The following PDE10A variants were observed in gnomAD, a reference collection of about 807,000 sequenced individuals.
The protein encoded by PDE10A is cAMP and cAMP-inhibited cGMP 3',5'-cyclic phosphodiesterase 10A.
In PDE10A, 39 loss-of-function variants were observed where a neutral mutation model predicts 97.7. The ratio of observed to expected loss-of-function variants is 0.40; its 90% CI spans 0.31 to 0.52. The LOEUF (loss-of-function observed/expected upper bound fraction) is 0.52. PDE10A is among the 20% of genes least tolerant of loss of function. The pLI, the probability that PDE10A is intolerant of heterozygous loss-of-function variation, is 0.56. For missense variants in PDE10A, 731 were observed against 1,047.8 expected (o/e 0.70, Z 4.17); for synonymous variants, 371 against 376.8 (o/e 0.98, Z 0.18).
At chr6:165,976,960 G>A (rs1035299174) in intron 1 of PDE10A, among the ~76,000 whole-genome samples, 1 of 152,192 alleles carries the variant, frequency 6.6e-6, no homozygotes, top group East Asian at 1.9e-4. Context: ...AGCACACATC[G>A]AAGCATTGTC....
At chr6:165,483,063 G>A (rs1779699245) in intron 2 of PDE10A, among the ~76,000 whole-genome samples, 1 of 152,222 alleles carries the variant, frequency 6.6e-6, no homozygotes, top group Non-Finnish European at 1.5e-5. Context: ...CCAGTTCTGA[G>A]TGTTGCACAC....
intron 13 of PDE10A, among the ~76,000 whole-genome samples, chr6:165,410,912 C>T (rs1356151587): frequency 9.9e-6 from 1 of 100,892 alleles, no homozygotes; most frequent in Admixed American, 1.0e-4. Flanking sequence ...CACGGTGAAA[C>T]CCCGTCTCTA....
At chr6:165,859,206 G>C (rs1334071608) in intron 1 of PDE10A, among the ~76,000 whole-genome samples, 1 of 152,214 alleles carries the variant, frequency 6.6e-6, no homozygotes, top group African/African-American at 2.4e-5. Context: ...ACTCACGCCA[G>C]GATGAAGGTC....
At chr6:165,906,654 G>C (rs754521178) in intron 1 of PDE10A, among the ~76,000 whole-genome samples, 1 of 152,198 alleles carries the variant, frequency 6.6e-6, no homozygotes, top group South Asian at 2.1e-4. Flanking sequence ...TCCTCTGGCA[G>C]GTGCCAGAGA....
intron 1 of PDE10A, among the ~76,000 whole-genome samples, chr6:165,653,730 T>A (rs1295421741): frequency 6.6e-6 from 1 of 152,154 alleles, no homozygotes; most frequent in East Asian, 1.9e-4. Flanking sequence ...TAGAAACCAA[T>A]GAGCAGGAAA....
intron 21 of PDE10A, among the ~76,000 whole-genome samples, chr6:165,333,731 A>C (rs1781477794): frequency 6.6e-6 from 1 of 152,138 alleles, no homozygotes; most frequent in African/African-American, 2.4e-5. Context: ...CGAGTCCTCT[A>C]ATCTTTCTCT....
Position 165,435,698 on chromosome 6 carries a change from A to G in PDE10A, c.1195-321T>C, listed in dbSNP as rs373800013. Among the ~76,000 whole-genome samples the G allele has an allele frequency of 4.6e-5, 7 of 152,300 alleles. No homozygotes were observed. In the East Asian group the frequency reaches 5.8e-4, roughly 13 times the overall value. ...AATGCATCCTGTCATTGGGATCAAG[A>G]TTCTATCAGACCACAAACACACACA... On this transcript the variant is annotated intron_variant, in intron 5 of 21. Coordinates refer to ENST00000539869, the MANE Select transcript of PDE10A (RefSeq NM_001385079.1).
At chr6:165,740,720 T>C (rs950359814) in intron 1 of PDE10A, among the ~76,000 whole-genome samples, 1 of 152,050 alleles carries the variant, frequency 6.6e-6, no homozygotes, top group African/African-American at 2.4e-5. Context: ...ATTATGAACA[T>C]GAAATAAGCT....
chr6:165,784,542 G>A (rs1363334411), intron 1 of PDE10A, among the ~76,000 whole-genome samples: 3 of 152,206 alleles, frequency 2.0e-5, no homozygotes, highest in Non-Finnish European at 4.4e-5. Context: ...GTAAAGAATA[G>A]CAAGTAATGC....
chr6:165,941,539 G>T (rs1030424459), intron 1 of PDE10A, among the ~76,000 whole-genome samples: 1 of 152,104 alleles, frequency 6.6e-6, no homozygotes, highest in South Asian at 2.1e-4. Context: ...GGGATGTCGG[G>T]ATCATGGAGG....
intron 1 of PDE10A, among the ~76,000 whole-genome samples, chr6:165,905,711 A>G (rs1453766283): frequency 6.6e-6 from 1 of 152,058 alleles, no homozygotes; most frequent in Non-Finnish European, 1.5e-5. Flanking sequence ...AATGAGAGTG[A>G]CTATTAAACA....
intron 1 of PDE10A, among the ~76,000 whole-genome samples, chr6:165,817,036 C>A (rs916694270): frequency 2.0e-5 from 3 of 152,066 alleles, no homozygotes; most frequent in Non-Finnish European, 4.4e-5. Context: ...AAAGGATGTC[C>A]AAAAACCTAG....
intron 1 of PDE10A, among the ~76,000 whole-genome samples, chr6:165,970,291 G>A (rs1431743063): frequency 6.6e-6 from 1 of 152,198 alleles, no homozygotes; most frequent in Admixed American, 6.5e-5. Flanking sequence ...GATGTTATTA[G>A]AACAACTGAC....
intron 15 of PDE10A, among the ~76,000 whole-genome samples, chr6:165,394,769 G>A (rs934996108): frequency 7.2e-5 from 11 of 152,128 alleles, no homozygotes; most frequent in East Asian, 1.9e-4. Context: ...TCTAACTGGC[G>A]TGAGATGGTG....
chr6:165,422,452 T>C (rs112451569), intron 10 of PDE10A, among the ~76,000 whole-genome samples: 1 of 127,806 alleles, frequency 7.8e-6, no homozygotes, highest in Non-Finnish European at 1.6e-5. Context: ...CATACGCATA[T>C]ACACACACAG....
chr6:165,583,188 A>G (rs542706108), intron 1 of PDE10A, among the ~76,000 whole-genome samples: 67 of 152,362 alleles, frequency 4.4e-4, no homozygotes, highest in African/African-American at 1.6e-3. Flanking sequence ...ATTTTACAGA[A>G]GAGGAAAGAG....
chr6:165,329,512 T>G lies in PDE10A; in HGVS notation c.*3513A>C, dbSNP rs912744608. The G allele has an allele frequency of 4.6e-5, 7 of 152,158 alleles. No individual in the cohort carries two copies. Among genetic ancestry groups the G allele is most frequent in the Non-Finnish European group, 8.8e-5 (6 of 68,018 alleles). 9.4% of individuals were successfully genotyped at this position (152,158 alleles called of 1,614,324 possible). A position where few individuals can be genotyped will look rare whatever the true frequency, so the allele number is the denominator to read the frequency against. On this transcript the variant is annotated 3_prime_UTR_variant, in exon 22 of 22. Coordinates refer to ENST00000539869, the MANE Select transcript of PDE10A (RefSeq NM_001385079.1). The stretch of plus-strand genomic sequence containing the variant: ...GTCCTATTAAAGCTCAAACCTTAAT[T>G]TTGAGTTAAAAGACCAGAAACACAA...
chr6:165,487,905 C>T (rs1476615983), intron 2 of PDE10A, among the ~76,000 whole-genome samples: 1 of 151,756 alleles, frequency 6.6e-6, no homozygotes, highest in African/African-American at 2.4e-5. Context: ...GGTGAAGTAC[C>T]AGAACAGCAT....
chr6:165,779,080 T>C (rs1391400554), intron 1 of PDE10A, among the ~76,000 whole-genome samples: 1 of 152,230 alleles, frequency 6.6e-6, no homozygotes. Flanking sequence ...GTTCTTAAGA[T>C]GTTATTTCAT....
Sources: gnomAD v4.1 joint callset for allele counts (sites outside exome capture counted in the v4.1 genomes callset) on GRCh38, gnomAD v4.1.1 for gene constraint, MANE v1.5 for transcripts, NCBI Gene and HGNC (gene_info 2026-07-23, HGNC 2026-07-21) for gene names.